STAT1: variants seen among roughly 807,000 people sequenced by gnomAD.
STAT1 encodes the protein signal transducer and activator of transcription 1-alpha/beta.
In STAT1, 24 loss-of-function variants were observed where a neutral mutation model predicts 111.7. That is an observed-to-expected ratio of 0.21 (90% CI 0.16 to 0.30). The LOEUF (loss-of-function observed/expected upper bound fraction) is 0.30. Among genes scored for constraint, STAT1 ranks in the 10% least tolerant of loss-of-function variants. The pLI is 1.00. For synonymous variants in STAT1, 332 were observed against 326.5 expected, an observed-to-expected ratio of 1.02 and a Z score of -0.18; for missense variants, 351 against 911.9, an observed-to-expected ratio of 0.38 and a Z score of 7.92.
At position 190,999,563 on chromosome 2, in the gene STAT1, G is replaced by T; in HGVS notation, c.541+63C>A. ...CAAATAGAAAGGAGTAATCATCTTC[G>T]TTATCTAGTGTGAACAGAAAAAATT... is the stretch of plus-strand genomic sequence containing the variant. On this transcript the variant is annotated intron_variant, in intron 7 of 24. Coordinates refer to ENST00000361099, the MANE Select transcript of STAT1 (RefSeq NM_007315.4). This position sits in a 1 kb window ranked among gnomAD's most constrained non-coding sequence, Gnocchi z 4.1. 1 of 1,110,160 alleles carries T rather than the reference G, an allele frequency of 9.0e-7. No homozygotes were observed. The highest frequency in any genetic ancestry group is 1.4e-6 in the Non-Finnish European group (1 of 721,368). 68.8% of individuals were successfully genotyped at this position (1,110,160 alleles called of 1,614,324 possible). A position where few individuals can be genotyped will look rare whatever the true frequency, so the allele number is the denominator to read the frequency against.
intron 5 of STAT1, 48 bp from the exon 6 acceptor site, chr2:191,001,211 G>A: frequency 6.9e-7 from 1 of 1,452,834 alleles, no homozygotes; most frequent in Middle Eastern, 1.7e-4. Flanking sequence ...TTCAGGGTGT[G>A]TACTTGCTGG....
Position 190,975,132 on chromosome 2 carries a change from A to C in STAT1, c.2136-200T>G, listed in dbSNP as rs984383594. ...ATGTCCCCAGCCCAGCCCCTTGGGA[A>C]ATGTTTCACACTCCAGGGATGTGAT... is the stretch of plus-strand genomic sequence containing the variant. On this transcript the variant is annotated intron_variant, in intron 23 of 24. Coordinates refer to ENST00000361099, the MANE Select transcript of STAT1 (RefSeq NM_007315.4). This position sits in a 1 kb window ranked among gnomAD's most constrained non-coding sequence, Gnocchi z 5.9. Among the ~76,000 whole-genome samples the C allele has an allele frequency of 3.3e-5, 5 of 152,208 alleles. No individual in the cohort carries two copies. The highest frequency in any genetic ancestry group is 1.2e-4 in the African/African-American group (5 of 41,448).
chr2:190,982,607 A>C lies in STAT1; in HGVS notation c.1447-89T>G, dbSNP rs1405216791. On this transcript the variant is annotated intron_variant, in intron 17 of 24. Transcript: ENST00000361099. This position sits in a 1 kb window ranked among gnomAD's most constrained non-coding sequence, Gnocchi z 7.3. The stretch of plus-strand genomic sequence containing the variant: ...AAAACATATGTCCATCCCAAAGTTC[A>C]ATTCTAGTTTATATGACACACAGGT... 15 of 1,456,266 alleles carry C rather than the reference A, an allele frequency of 1.0e-5. No homozygotes were observed. Among genetic ancestry groups the C allele is most frequent in the Non-Finnish European group, 1.4e-5 (15 of 1,038,338 alleles). The allele number at this position is 1,456,266 out of a possible 1,614,324, so 90.2% of individuals were successfully genotyped here. A position where few individuals can be genotyped will look rare whatever the true frequency, so the allele number is the denominator to read the frequency against.
rs1192479980 is a variant in STAT1 at position 190,998,524 on chromosome 2, C to T, written c.542-216G>A. Among the ~76,000 whole-genome samples, 1 of 151,876 alleles carries T rather than the reference C, an allele frequency of 6.6e-6. No individual in the cohort carries two copies. The highest frequency in any genetic ancestry group is 1.5e-5 in the Non-Finnish European group (1 of 67,964). On this transcript the variant is annotated intron_variant, in intron 7 of 24. Coordinates refer to ENST00000361099, the MANE Select transcript of STAT1 (RefSeq NM_007315.4). The surrounding 1 kb of genome is among the most constrained non-coding windows in gnomAD (Gnocchi z 4.1). The stretch of plus-strand genomic sequence containing the variant: ...CTTGTTTTCAAAAATTAGCCGGGCG[C>T]AGTGGCAGACGCCTGTAGTCCCAGC...
Position 190,995,383 on chromosome 2 carries a change from C to T in STAT1, c.786-164G>A, listed in dbSNP as rs1414740006. On this transcript the variant is annotated intron_variant, in intron 9 of 24. Coordinates refer to ENST00000361099, the MANE Select transcript of STAT1 (RefSeq NM_007315.4). The surrounding 1 kb of genome is among the most constrained non-coding windows in gnomAD (Gnocchi z 4.2). ...GAGGTTTAATTGACACATAGTTCCA[C>T]ATGGCTGAGGAGGCCCCACAATCAT... is the stretch of plus-strand genomic sequence containing the variant. Among the ~76,000 whole-genome samples the T allele has an allele frequency of 3.9e-5, 6 of 152,242 alleles. No homozygotes were observed. Among genetic ancestry groups the T allele is most frequent in the South Asian group, 2.1e-4 (1 of 4,834 alleles).
At chr2:191,001,476 G>A (rs1164930715) in intron 5 of STAT1, among the ~76,000 whole-genome samples, 1 of 152,148 alleles carries the variant, frequency 6.6e-6, no homozygotes, top group East Asian at 1.9e-4. Flanking sequence ...CTATACACAA[G>A]ATTACTCTCA....
chr2:190,993,340 G>T lies in STAT1; in HGVS notation c.944+1721C>A. Reference sequence around the variant, plus strand: ...TGGCTCCTCTGTAATAACTGGAGATGACTGTTCGAAACCTTTCCTGTTCTG... The same window carrying T: ...TGGCTCCTCTGTAATAACTGGAGATTACTGTTCGAAACCTTTCCTGTTCTG... On this transcript the variant is annotated intron_variant, in intron 10 of 24. Coordinates refer to ENST00000361099, the MANE Select transcript of STAT1 (RefSeq NM_007315.4). This position sits in a 1 kb window ranked among gnomAD's most constrained non-coding sequence, Gnocchi z 4.1. The T allele has an allele frequency of 1.1e-6, 1 of 906,154 alleles. No homozygotes were observed. Among genetic ancestry groups the T allele is most frequent in the Non-Finnish European group, 1.8e-6 (1 of 562,466 alleles). The allele number at this position is 906,154 out of a possible 1,614,324, so 56.1% of individuals were successfully genotyped here.
chr2:190,979,110 C>T lies in STAT1; in HGVS notation c.1728-109G>A, dbSNP rs910373622. On this transcript the variant is annotated intron_variant, in intron 20 of 24. Coordinates refer to ENST00000361099, the MANE Select transcript of STAT1 (RefSeq NM_007315.4). This position sits in a 1 kb window ranked among gnomAD's most constrained non-coding sequence, Gnocchi z 5.8. ...GCTGGAATGTGAGAAAAAAAACCTA[C>T]GGTAAAAAACGTAGACTATTTTAAA... 33 of 1,380,918 alleles carry T rather than the reference C, an allele frequency of 2.4e-5. 1 individual carries two copies. The highest frequency in any genetic ancestry group is 1.7e-4 in the South Asian group (14 of 81,106). 85.5% of individuals were successfully genotyped at this position (1,380,918 alleles called of 1,614,324 possible).
chr2:190,994,758 T>TA (rs1331579901), intron 10 of STAT1, among the ~76,000 whole-genome samples: 1 of 150,814 alleles, frequency 6.6e-6, no homozygotes, highest in Non-Finnish European at 1.5e-5. Context: ...CAGTCTCTAC[T>TA]AAAAAAAATT....
Position 190,981,074 on chromosome 2 carries a change from A to G in STAT1, c.1583-405T>C, listed in dbSNP as rs1418198394. Among the ~76,000 whole-genome samples the G allele has an allele frequency of 6.6e-6, 1 of 151,670 alleles. No individual in the cohort carries two copies. Among genetic ancestry groups the G allele is most frequent in the Non-Finnish European group, 1.5e-5 (1 of 67,932 alleles). On this transcript the variant is annotated intron_variant, in intron 18 of 24. Coordinates refer to ENST00000361099, the MANE Select transcript of STAT1 (RefSeq NM_007315.4). The surrounding 1 kb of genome is among the most constrained non-coding windows in gnomAD (Gnocchi z 4.1). ...TCCTTTTAATGCCTCTTCATGTTAC[A>G]CTTCCTTCCAAGACCATCAGCTGAC...
chr2:190,998,202 A>T lies in STAT1; in HGVS notation c.633+15T>A. ...TAACAAAAGTGGCATGCTATTCTGG[A>T]AAGTAAATAACTACCTTTCTCTTAT... On this transcript the variant is annotated intron_variant, in intron 8 of 24. Coordinates refer to ENST00000361099, the MANE Select transcript of STAT1 (RefSeq NM_007315.4). This position sits in a 1 kb window ranked among gnomAD's most constrained non-coding sequence, Gnocchi z 4.1. 1 of 1,608,722 alleles carries T rather than the reference A, an allele frequency of 6.2e-7. No homozygotes were observed. Among genetic ancestry groups the T allele is most frequent in the Non-Finnish European group, 8.5e-7 (1 of 1,175,420 alleles).
rs1693918091 is a variant in STAT1 at position 190,997,149 on chromosome 2, G to A, written c.785+707C>T. On this transcript the variant is annotated intron_variant, in intron 9 of 24. Coordinates refer to ENST00000361099, the MANE Select transcript of STAT1 (RefSeq NM_007315.4). The surrounding 1 kb of genome is among the most constrained non-coding windows in gnomAD (Gnocchi z 7.3). The stretch of plus-strand genomic sequence containing the variant: ...ATACAGCCCCTGCAGTCTCCCACAT[G>A]TGTGCCTTTGCACACGCTGTGCTCT... Among the ~76,000 whole-genome samples the A allele has an allele frequency of 6.6e-6, 1 of 152,144 alleles. No homozygotes were observed. Among genetic ancestry groups the A allele is most frequent in the African/African-American group, 2.4e-5 (1 of 41,428 alleles).
At position 191,012,557 on chromosome 2, in the gene STAT1, A is replaced by AT. The variant is rs1309826794; in HGVS notation, c.-2+967dup. On this transcript the variant is annotated intron_variant, in intron 2 of 24. Transcript: ENST00000361099. This position sits in a 1 kb window ranked among gnomAD's most constrained non-coding sequence, Gnocchi z 4.0. Reference sequence around the variant, plus strand: ...AGCTCAAATCTCAGATTTAGGGTTGATTCCTTCCACTCCATCCCAAGACCT... The same window carrying AT: ...AGCTCAAATCTCAGATTTAGGGTTGATTTCCTTCCACTCCATCCCAAGACCT... 6.6e-6 allele frequency among the ~76,000 whole-genome samples: 1 copy of AT among 152,070 alleles called. No homozygotes were observed. Among genetic ancestry groups the AT allele is most frequent in the African/African-American group, 2.4e-5 (1 of 41,414 alleles).
intron 4 of STAT1, chr2:191,008,100 G>C (rs1694842350): frequency 4.7e-6 from 2 of 428,898 alleles, no homozygotes; most frequent in Non-Finnish European, 9.3e-6. Flanking sequence ...CATTGTCAAA[G>C]CTAGTTTGCA....
In STAT1 at chr2:191,008,954, A is replaced by G. The variant is rs551304728; in HGVS notation, c.273+9T>C. ...ACATTTCAACTAAAATACAAAAACCAGGTCATACCTGAAGATTACGCTTGC... is the reference window on the plus strand; with the variant it reads ...ACATTTCAACTAAAATACAAAAACCGGGTCATACCTGAAGATTACGCTTGC... On this transcript the variant is annotated intron_variant, in intron 4 of 24. Coordinates refer to ENST00000361099, the MANE Select transcript of STAT1 (RefSeq NM_007315.4). 1 of 1,613,240 alleles carries G rather than the reference A, an allele frequency of 6.2e-7. No individual in the cohort carries two copies. The highest frequency in any genetic ancestry group is 1.3e-5 in the African/African-American group (1 of 75,024).
Position 190,998,791 on chromosome 2 carries a change from TTAA to T in STAT1, c.542-486_542-484del, listed in dbSNP as rs1349544201. 1.3e-5 allele frequency among the ~76,000 whole-genome samples: 2 copies of T among 151,422 alleles called. No individual in the cohort carries two copies. The highest frequency in any genetic ancestry group is 1.5e-5 in the Non-Finnish European group (1 of 67,906). ...ATTACCTAAATAAATGTAAATAACATTAATAATAATGTTATTATTATTATAAAA... is the reference window on the plus strand; with the variant it reads ...ATTACCTAAATAAATGTAAATAACATTAATAATGTTATTATTATTATAAAA... On this transcript the variant is annotated intron_variant, in intron 7 of 24. Coordinates refer to ENST00000361099, the MANE Select transcript of STAT1 (RefSeq NM_007315.4). The surrounding 1 kb of genome is among the most constrained non-coding windows in gnomAD (Gnocchi z 4.1).
chr2:191,012,371 G>A lies in STAT1; in HGVS notation c.-2+1154C>T, dbSNP rs1005026347. 4.6e-5 allele frequency among the ~76,000 whole-genome samples: 7 copies of A among 151,460 alleles called. No homozygotes were observed. The highest frequency in any genetic ancestry group is 2.1e-4 in the South Asian group (1 of 4,806). On this transcript the variant is annotated intron_variant, in intron 2 of 24. Coordinates refer to ENST00000361099, the MANE Select transcript of STAT1 (RefSeq NM_007315.4). This position sits in a 1 kb window ranked among gnomAD's most constrained non-coding sequence, Gnocchi z 4.0. ...GCGGAGGTTGCAGTGAGCTGAGATC[G>A]CGCCACTGTACTCCAGCCTGGGAGA... is the stretch of plus-strand genomic sequence containing the variant.
In STAT1 at chr2:190,980,782, G is replaced by C. The variant is rs1216700202; in HGVS notation, c.1583-113C>G. On this transcript the variant is annotated intron_variant, in intron 18 of 24. Coordinates refer to ENST00000361099, the MANE Select transcript of STAT1 (RefSeq NM_007315.4). This position sits in a 1 kb window ranked among gnomAD's most constrained non-coding sequence, Gnocchi z 6.1. ...GGAAAAGAGCCAAACACCCAACAAA[G>C]ATTGTATGTACACAGTTGACATTTT... is the stretch of plus-strand genomic sequence containing the variant. The C allele has an allele frequency of 9.9e-7, 1 of 1,009,522 alleles. No homozygotes were observed. The highest frequency in any genetic ancestry group is 1.5e-6 in the Non-Finnish European group (1 of 645,190). 62.5% of individuals were successfully genotyped at this position (1,009,522 alleles called of 1,614,324 possible). A position where few individuals can be genotyped will look rare whatever the true frequency, so the allele number is the denominator to read the frequency against.
rs1691712615 is a variant in STAT1 at position 190,974,101 on chromosome 2, A to G, written c.2238+729T>C. On this transcript the variant is annotated intron_variant, in intron 24 of 24. Coordinates refer to ENST00000361099, the MANE Select transcript of STAT1 (RefSeq NM_007315.4). This position sits in a 1 kb window ranked among gnomAD's most constrained non-coding sequence, Gnocchi z 4.8. ...GAGCTGGAATAGCTCCATGTGGAAAAGAGCTTAAAATTAAACAGCATCAGC... is the reference window on the plus strand; with the variant it reads ...GAGCTGGAATAGCTCCATGTGGAAAGGAGCTTAAAATTAAACAGCATCAGC... Among the ~76,000 whole-genome samples the G allele has an allele frequency of 6.6e-6, 1 of 152,258 alleles. No individual in the cohort carries two copies. Among genetic ancestry groups the G allele is most frequent in the African/African-American group, 2.4e-5 (1 of 41,468 alleles).
Sources: allele counts gnomAD v4.1 joint callset (sites outside exome capture counted in the v4.1 genomes callset), GRCh38; gene constraint gnomAD v4.1.1; non-coding constraint Gnocchi (gnomAD v3.1); transcripts MANE v1.5; gene names NCBI Gene and HGNC (gene_info 2026-07-23, HGNC 2026-07-21).